LRP1B: variants seen among roughly 807,000 people sequenced by gnomAD.
LRP1B encodes the protein LDL receptor related protein 1B.
LRP1B carries 217 observed loss-of-function variants against 556.6 expected under a neutral mutation model. The ratio of observed to expected loss-of-function variants is 0.39; its 90% CI spans 0.35 to 0.44. The LOEUF (loss-of-function observed/expected upper bound fraction) is 0.44, where lower values mean the gene tolerates loss of function less well. Among genes scored for constraint, LRP1B ranks in the 20% least tolerant of loss-of-function variants. LRP1B has a pLI of 1.00. For missense variants in LRP1B, 5,053 were observed against 5,620.8 expected (o/e 0.90, Z 3.23); for synonymous variants, 2,047 against 1,865.8 (o/e 1.10, Z -2.50).
At chr2:140,562,906 A>G (rs1226842870) in intron 43 of LRP1B, among the ~76,000 whole-genome samples, 1 of 152,134 alleles carries the variant, frequency 6.6e-6, no homozygotes, top group African/African-American at 2.4e-5. Context: ...ATGAGCCACC[A>G]TGCCCCAGCT....
At chr2:141,998,967 A>C (rs1021257285) in intron 1 of LRP1B, among the ~76,000 whole-genome samples, 3 of 152,176 alleles carry the variant, frequency 2.0e-5, no homozygotes, top group East Asian at 1.9e-4. Flanking sequence ...AAGGAACATA[A>C]ATTTTCTACA....
chr2:140,519,681 A>C (rs960520588), intron 49 of LRP1B, among the ~76,000 whole-genome samples: 4 of 152,222 alleles, frequency 2.6e-5, no homozygotes, highest in Non-Finnish European at 5.9e-5. Context: ...GGCAACCTAC[A>C]GAATGGGAGA....
chr2:140,703,283 G>A (rs938893623), intron 37 of LRP1B, among the ~76,000 whole-genome samples: 8 of 152,002 alleles, frequency 5.3e-5, no homozygotes, highest in Admixed American at 5.3e-4. Flanking sequence ...GGGGGACTAT[G>A]TGAAAGAAAA....
intron 43 of LRP1B, among the ~76,000 whole-genome samples, chr2:140,583,993 G>C (rs930708554): frequency 6.6e-6 from 1 of 152,000 alleles, no homozygotes; most frequent in Non-Finnish European, 1.5e-5. Context: ...TACAATACCT[G>C]AGTTTTTATT....
intron 1 of LRP1B, among the ~76,000 whole-genome samples, chr2:141,903,703 GAATA>G (rs1699683757): frequency 1.3e-5 from 2 of 151,988 alleles, no homozygotes; most frequent in South Asian, 2.1e-4. Flanking sequence ...AACGTTTAAA[GAATA>G]AATAGTTTTC....
At chr2:141,277,697 G>A (rs1472061990) in intron 3 of LRP1B, among the ~76,000 whole-genome samples, 7 of 137,808 alleles carry the variant, frequency 5.1e-5, no homozygotes, top group Admixed American at 3.8e-4. Flanking sequence ...GTGCATATAT[G>A]TCAGATTGGA....
intron 29 of LRP1B, among the ~76,000 whole-genome samples, chr2:140,847,495 G>A (rs1461594662): frequency 3.3e-5 from 5 of 152,026 alleles, no homozygotes; most frequent in Non-Finnish European, 7.4e-5. Flanking sequence ...CAGGCTGGGC[G>A]CAGTGGTTCA....
chr2:141,437,116 C>T (rs1680791109), intron 3 of LRP1B, among the ~76,000 whole-genome samples: 1 of 152,018 alleles, frequency 6.6e-6, no homozygotes, highest in South Asian at 2.1e-4. Context: ...ACCTTTCTCC[C>T]CTGGCTAAGC....
At chr2:141,132,200 G>T (rs1701375496) in intron 7 of LRP1B, among the ~76,000 whole-genome samples, 1 of 152,010 alleles carries the variant, frequency 6.6e-6, no homozygotes, top group African/African-American at 2.4e-5. Context: ...TTAATCCCCA[G>T]TGTGGCAGTG....
chr2:141,502,465 A>G (rs1683751389), intron 2 of LRP1B, among the ~76,000 whole-genome samples: 1 of 152,196 alleles, frequency 6.6e-6, no homozygotes, highest in African/African-American at 2.4e-5. Context: ...ACTTGATTTA[A>G]AATAAAAGGT....
In LRP1B at chr2:140,702,408, G is replaced by A. The variant is rs1395687087; in HGVS notation, c.6150+19C>T. On this transcript the variant is annotated intron_variant, in intron 38 of 90. Transcript: ENST00000389484. ...TGTCAGTTAAGGCACTTTAAATACT[G>A]AAAAGAAATCCAACAGACCTCATAG... 1 of 1,612,364 alleles carries A rather than the reference G, an allele frequency of 6.2e-7. No individual in the cohort carries two copies. Among genetic ancestry groups the A allele is most frequent in the Admixed American group, 1.7e-5 (1 of 59,672 alleles).
At chr2:141,584,799 A>T (rs1296870131) in intron 2 of LRP1B, among the ~76,000 whole-genome samples, 2 of 152,198 alleles carry the variant, frequency 1.3e-5, no homozygotes, top group African/African-American at 4.8e-5. Flanking sequence ...AAATAATTAT[A>T]AAAATGATGT....
intron 47 of LRP1B, among the ~76,000 whole-genome samples, chr2:140,533,292 A>G (rs944551702): frequency 1.3e-5 from 2 of 152,110 alleles, no homozygotes; most frequent in African/African-American, 4.8e-5. Flanking sequence ...ACCTTATTTA[A>G]TATTGTTTTT....
rs555047476 is a variant in LRP1B, at chr2:141,006,897, T to TGGAA, written c.2381-1441_2381-1440insTTCC. ...TACCTTATAGGACCATCACCATACATGCAGTCCATCATTGACTGAACCATC... is the reference window on the plus strand; with the variant it reads ...TACCTTATAGGACCATCACCATACATGGAAGCAGTCCATCATTGACTGAACCATC... On this transcript the variant is annotated intron_variant, in intron 14 of 90. Coordinates refer to ENST00000389484, the MANE Select transcript of LRP1B (RefSeq NM_018557.3). 2.1e-4 allele frequency among the ~76,000 whole-genome samples: 32 copies of TGGAA among 152,064 alleles called. No individual in the cohort carries two copies. The East Asian group carries it at 6.2e-3, about 29-fold the overall frequency.
chr2:140,683,450 G>C, intron 41 of LRP1B: 1 of 550,670 alleles, frequency 1.8e-6, no homozygotes, highest in Non-Finnish European at 3.5e-6. Context: ...TGGGGTCATA[G>C]ATCATGTCTC....
At chr2:140,328,959 A>G (rs1680645912) in intron 79 of LRP1B, among the ~76,000 whole-genome samples, 1 of 152,102 alleles carries the variant, frequency 6.6e-6, no homozygotes. Flanking sequence ...CAAACAATTA[A>G]TTATGAGTGG....
intron 2 of LRP1B, among the ~76,000 whole-genome samples, chr2:141,757,179 AT>A (rs562676208): frequency 4.6e-5 from 7 of 152,286 alleles, no homozygotes. Context: ...AGCAGTAGAA[AT>A]TTTTTTAAGT....
intron 7 of LRP1B, among the ~76,000 whole-genome samples, chr2:141,067,091 T>C (rs1699500458): frequency 6.6e-6 from 1 of 151,980 alleles, no homozygotes; most frequent in Admixed American, 6.6e-5. Flanking sequence ...CCAAATAGCA[T>C]CAATAGTAAC....
intron 89 of LRP1B, among the ~76,000 whole-genome samples, chr2:140,235,932 C>T (rs1680678441): frequency 1.3e-5 from 2 of 150,828 alleles, no homozygotes; most frequent in African/African-American, 4.8e-5. Context: ...TATTATTTGT[C>T]TTTCTCCTTC....
Sources: gnomAD v4.1 joint callset for allele counts (sites outside exome capture counted in the v4.1 genomes callset) on GRCh38, gnomAD v4.1.1 for gene constraint, MANE v1.5 for transcripts, NCBI Gene and HGNC (gene_info 2026-07-23, HGNC 2026-07-21) for gene names.